The following RIN3 variants were observed in gnomAD, a reference collection of about 807,000 sequenced individuals.
RIN3 encodes RAB5 interacting protein 3.
In RIN3, 54 loss-of-function variants were observed where a neutral mutation model predicts 76.3. That is an observed-to-expected ratio of 0.71 (90% CI 0.57 to 0.89). RIN3 has a LOEUF of 0.89. Among genes scored for constraint, RIN3 ranks in the 40% least tolerant of loss-of-function variants. The pLI is 0.00. For synonymous variants in RIN3, 576 were observed against 564.0 expected, an observed-to-expected ratio of 1.02 and a Z score of -0.30; for missense variants, 1,256 against 1,322.1, an observed-to-expected ratio of 0.95 and a Z score of 0.78.
At chr14:92,518,237 G>A (rs1339109632) in intron 1 of RIN3, among the ~76,000 whole-genome samples, 3 of 152,216 alleles carry the variant, frequency 2.0e-5, no homozygotes, top group Admixed American at 6.5e-5. Flanking sequence ...TCCTACTTCA[G>A]TTACAAACTT....
At chr14:92,565,397 CAG>C (rs1897890708) in intron 2 of RIN3, among the ~76,000 whole-genome samples, 2 of 152,246 alleles carry the variant, frequency 1.3e-5, no homozygotes, top group Admixed American at 1.3e-4. Context: ...AAGAAAGAAA[CAG>C]GGGCAAGTCC....
intron 3 of RIN3, among the ~76,000 whole-genome samples, chr14:92,604,166 A>G (rs1451684965): frequency 6.6e-6 from 1 of 152,200 alleles, no homozygotes; most frequent in African/African-American, 2.4e-5. Context: ...GGTCCATGGA[A>G]GAGTGGGCAT....
At chr14:92,676,656 G>C in intron 8 of RIN3, 50 bp downstream of exon 8, 1 of 1,592,844 alleles carries the variant, frequency 6.3e-7, no homozygotes, top group South Asian at 1.1e-5. Flanking sequence ...CCCCAACTCA[G>C]CCACGCCACG....
At chr14:92,573,440 C>A (rs79709503) in intron 2 of RIN3, among the ~76,000 whole-genome samples, 1 of 152,176 alleles carries the variant, frequency 6.6e-6, no homozygotes, top group Non-Finnish European at 1.5e-5. Flanking sequence ...TTGATTAAAT[C>A]ATTGGCCATG....
At position 92,687,985 on chromosome 14, in the gene RIN3, G is replaced by A. The variant is rs1888928730; in HGVS notation, c.2691G>A (p.Arg897=). The A allele has an allele frequency of 1.3e-6, 2 of 1,564,642 alleles. No homozygotes were observed. The highest frequency in any genetic ancestry group is 8.7e-7 in the Non-Finnish European group (1 of 1,156,024). The change falls in exon 10 of 10, where the codon CGG becomes CGA. Residue 897 remains arginine, a synonymous_variant. Transcript: ENST00000216487. The part of the protein sequence containing the change: ...PEQQARTLAS[R]ADTQAQALCA... ...AGCAGGCGCGGACGCTGGCGTCGCG[G>A]GCGGACACCCAGGCCCAGGCGCTGT...
rs1199077893 is a variant in RIN3 at position 92,514,464 on chromosome 14, T to C, written c.44+488T>C. The stretch of plus-strand genomic sequence containing the variant: ...GGTCGGAGACCCGGACCCCCGCAAC[T>C]TTGGGTGCCCGCGGCCCAACAGCTG... On this transcript the variant is annotated intron_variant, in intron 1 of 9. Transcript: ENST00000216487. The surrounding 1 kb of genome is among the most constrained non-coding windows in gnomAD (Gnocchi z 7.2). Among the ~76,000 whole-genome samples, 2 of 152,146 alleles carry C rather than the reference T, an allele frequency of 1.3e-5. No homozygotes were observed. Among genetic ancestry groups the C allele is most frequent in the Non-Finnish European group, 2.9e-5 (2 of 68,010 alleles).
intron 2 of RIN3, among the ~76,000 whole-genome samples, chr14:92,572,428 A>T (rs1326229874): frequency 6.6e-6 from 1 of 152,162 alleles, no homozygotes; most frequent in Non-Finnish European, 1.5e-5. Flanking sequence ...GAAGATGCTG[A>T]TCACCAGTTT....
intron 3 of RIN3, among the ~76,000 whole-genome samples, chr14:92,612,283 G>A (rs548886106): frequency 2.7e-5 from 4 of 147,782 alleles, no homozygotes; most frequent in Admixed American, 1.4e-4. Flanking sequence ...CAAGACACCC[G>A]GCCGGTGCAG....
At chr14:92,654,926 G>A (rs986221761) in intron 6 of RIN3, among the ~76,000 whole-genome samples, 12 of 152,210 alleles carry the variant, frequency 7.9e-5, no homozygotes, top group Admixed American at 5.9e-4. Flanking sequence ...ATCCCAGCAC[G>A]TTGGGGGGCA....
intron 2 of RIN3, among the ~76,000 whole-genome samples, chr14:92,557,784 C>T (rs541913115): frequency 6.6e-6 from 1 of 152,348 alleles, no homozygotes; most frequent in East Asian, 1.9e-4. Flanking sequence ...CCTCTGTGGT[C>T]CCCAGTTCCC....
At chr14:92,646,002 A>G (rs1036054577) in intron 5 of RIN3, among the ~76,000 whole-genome samples, 1 of 151,974 alleles carries the variant, frequency 6.6e-6, no homozygotes, top group Admixed American at 6.6e-5. Context: ...TGCACAACTC[A>G]GTGAATACAC....
At chr14:92,617,511 A>C (rs1886015034) in intron 4 of RIN3, among the ~76,000 whole-genome samples, 2 of 152,100 alleles carry the variant, frequency 1.3e-5, no homozygotes, top group Admixed American at 1.3e-4. Context: ...CTGTTATTCC[A>C]GTTGGAGAGA....
rs772180187 is a variant in RIN3 at position 92,652,301 on chromosome 14, A to G, written c.1252A>G (p.Thr418Ala). The G allele has an allele frequency of 5.6e-6, 9 of 1,608,546 alleles. 1 individual carries two copies. In the South Asian group the frequency reaches 8.8e-5, roughly 16 times the overall value. The change falls in exon 6 of 10, where the codon ACC becomes GCC. Residue 418 changes from threonine to alanine, a missense_variant. Transcript: ENST00000216487. The surrounding 1 kb of genome is among the most constrained non-coding windows in gnomAD (Gnocchi z 6.4). ...CCAGCTCAGCCTGCCTCCCCAAGGG[A>G]CCTCAGACGGCCCTGAGGACACGCC... is the stretch of plus-strand genomic sequence containing the variant. ...GDQLSLPPQG[T>A]SDGPEDTPRE... is the part of the protein sequence containing the mutation.
rs1356723423 is a variant in RIN3, at chr14:92,685,140, C to T, written c.2621C>T (p.Ser874Phe). 2.5e-5 allele frequency: 40 copies of T among 1,610,944 alleles called. No homozygotes were observed. The highest frequency in any genetic ancestry group is 3.3e-5 in the Non-Finnish European group (39 of 1,178,550). ...CTCAACAAGGCCCGGGCCTCCCGCT[C>T]CTCCGTACAGGTGAGGCCTGAGAGC... is the stretch of plus-strand genomic sequence containing the variant. Reference protein sequence around the residue: ...RTLNKARASRSSVQDFICVSY... With the variant: ...RTLNKARASRFSVQDFICVSY... Residue 874 changes from serine (S) to phenylalanine (F), a missense_variant, in exon 9 of 10, where the codon TCC (serine) becomes TTC (phenylalanine). Physicochemically the swap from Ser to Phe is radical, Grantham distance 155. Coordinates refer to ENST00000216487, the MANE Select transcript of RIN3 (RefSeq NM_024832.5). The surrounding 1 kb of genome is among the most constrained non-coding windows in gnomAD (Gnocchi z 4.7).
intron 2 of RIN3, among the ~76,000 whole-genome samples, chr14:92,567,877 G>A (rs1175291895): frequency 2.0e-5 from 3 of 152,086 alleles, no homozygotes; most frequent in African/African-American, 7.2e-5. Flanking sequence ...CATAGCATGT[G>A]ATTTGGATCA....
intron 7 of RIN3, among the ~76,000 whole-genome samples, chr14:92,659,854 G>A (rs1423070019): frequency 1.3e-5 from 2 of 152,224 alleles, no homozygotes; most frequent in Non-Finnish European, 2.9e-5. Flanking sequence ...GAAGGTGTGG[G>A]CATGGCTGTG....
At chr14:92,640,392 CTG>C (rs1396576256) in intron 4 of RIN3, among the ~76,000 whole-genome samples, 8 of 21,256 alleles carry the variant, frequency 3.8e-4, no homozygotes, top group Non-Finnish European at 5.7e-4. Context: ...AGATGCCTGA[CTG>C]TGTGTTCATC....
chr14:92,670,880 T>C (rs949568959), intron 7 of RIN3, among the ~76,000 whole-genome samples: 4 of 152,210 alleles, frequency 2.6e-5, no homozygotes, highest in Non-Finnish European at 5.9e-5. Context: ...ATTTAGATCA[T>C]GGAAATTGGC....
At chr14:92,628,683 TAGG>T (rs1886443734) in intron 4 of RIN3, among the ~76,000 whole-genome samples, 1 of 152,182 alleles carries the variant, frequency 6.6e-6, no homozygotes, top group African/African-American at 2.4e-5. Flanking sequence ...GCCAGTTGAA[TAGG>T]AGAAGGGAAG....
Sources: allele counts gnomAD v4.1 joint callset (sites outside exome capture counted in the v4.1 genomes callset), GRCh38; gene constraint gnomAD v4.1.1; non-coding constraint Gnocchi (gnomAD v3.1); transcripts MANE v1.5; gene names NCBI Gene and HGNC (gene_info 2026-07-23, HGNC 2026-07-21).